USP37: variants seen among roughly 807,000 people sequenced by gnomAD.
USP37 encodes the protein ubiquitin carboxyl-terminal hydrolase 37.
Under a neutral mutation model 124.0 loss-of-function variants are expected in USP37, and 27 were observed. That is an observed-to-expected ratio of 0.22 (90% confidence interval 0.16 to 0.30). USP37 has a LOEUF of 0.30. Among genes scored for constraint, USP37 ranks in the 10% least tolerant of loss-of-function variants. USP37 has a pLI of 1.00. For synonymous variants in USP37, 365 were observed against 388.0 expected (o/e 0.94, Z 0.70); for missense variants, 889 against 1,140.4 (o/e 0.78, Z 3.17).
intron 11 of USP37, among the ~76,000 whole-genome samples, chr2:218,507,005 C>T (rs978805602): frequency 6.6e-6 from 1 of 151,722 alleles, no homozygotes; most frequent in African/African-American, 2.4e-5. Context: ...ATCATGTTGG[C>T]CAGGTTGGTT....
chr2:218,451,695 T>G lies in USP37; in HGVS notation c.*3235A>C, dbSNP rs2106400256. The G allele has an allele frequency of 6.6e-6, 1 of 152,390 alleles. No individual in the cohort carries two copies. The highest frequency in any genetic ancestry group is 1.9e-4 in the East Asian group (1 of 5,188). 9.4% of individuals were successfully genotyped at this position (152,390 alleles called of 1,614,324 possible). ...ATTTTAAAGCCTCTGTTTCAGAATT[T>G]TATACTTGATCAAGGAGAAAAATAA... On this transcript the variant is annotated 3_prime_UTR_variant, in exon 26 of 26. Coordinates refer to ENST00000258399, the MANE Select transcript of USP37 (RefSeq NM_020935.3).
At chr2:218,534,347 G>T (rs1221999527) in intron 9 of USP37, among the ~76,000 whole-genome samples, 1 of 152,146 alleles carries the variant, frequency 6.6e-6, no homozygotes, top group Non-Finnish European at 1.5e-5. Flanking sequence ...AAATTAGCCA[G>T]GCATGATAGA....
chr2:218,458,189 GA>G (rs1180071767), intron 23 of USP37, among the ~76,000 whole-genome samples: 1 of 128,836 alleles, frequency 7.8e-6, no homozygotes, highest in East Asian at 2.4e-4. Context: ...CTAAAATATA[GA>G]AAATGCATGA....
intron 11 of USP37, among the ~76,000 whole-genome samples, chr2:218,509,420 CAG>C (rs1268943237): frequency 6.6e-6 from 1 of 152,096 alleles, no homozygotes; most frequent in Non-Finnish European, 1.5e-5. Flanking sequence ...AAGCACTTAG[CAG>C]ACAGTATCTG....
intron 10 of USP37, among the ~76,000 whole-genome samples, chr2:218,524,497 GTATT>G (rs959420572): frequency 6.6e-6 from 1 of 152,100 alleles, no homozygotes; most frequent in African/African-American, 2.4e-5. Flanking sequence ...CTCCACTCCT[GTATT>G]TCTTTTGTCC....
At chr2:218,531,907 G>A (rs1691346901) in intron 9 of USP37, among the ~76,000 whole-genome samples, 1 of 152,248 alleles carries the variant, frequency 6.6e-6, no homozygotes, top group Admixed American at 6.5e-5. Flanking sequence ...AATGGATGTG[G>A]AGTTGCTTCC....
In USP37 at chr2:218,463,300, CCA is replaced by C; in HGVS notation, c.2527+4_2527+5del. On this transcript the variant is annotated splice_donor_5th_base_variant and intron_variant, in intron 22 of 25. Coordinates refer to ENST00000258399, the MANE Select transcript of USP37 (RefSeq NM_020935.3). ...TAAAAAAATGTAATTAAAAAGATCT[CCA>C]CACCTTGAAGACTTAACTCGGTAGC... 6.2e-7 allele frequency: 1 copy of C among 1,612,352 alleles called. No individual in the cohort carries two copies. The highest frequency in any genetic ancestry group is 8.5e-7 in the Non-Finnish European group (1 of 1,179,338).
In USP37 at chr2:218,546,933, C is replaced by T. The variant is rs755918212; in HGVS notation, c.588G>A (p.Gly196=). 9 of 1,609,566 alleles carry T rather than the reference C, an allele frequency of 5.6e-6. No individual in the cohort carries two copies. Among genetic ancestry groups the T allele is most frequent in the Middle Eastern group, 1.6e-4 (1 of 6,080 alleles). The change falls in exon 7 of 26, where the codon GGG becomes GGA. Residue 196 remains glycine, a synonymous_variant. Coordinates refer to ENST00000258399, the MANE Select transcript of USP37 (RefSeq NM_020935.3). ...LTSTSTPLRS[G]LLENRTEKRK... Reference sequence around the variant, plus strand: ...GTCTCTCCTACCGATTTTCTAGCAACCCTGATCTAAGAGGTGTTGAAGTAG... The same window carrying T: ...GTCTCTCCTACCGATTTTCTAGCAATCCTGATCTAAGAGGTGTTGAAGTAG...
chr2:218,524,693 T>C (rs1690857444), intron 10 of USP37, among the ~76,000 whole-genome samples: 1 of 152,206 alleles, frequency 6.6e-6, no homozygotes, highest in Admixed American at 6.5e-5. Context: ...CACTGCAACC[T>C]CTGCCTCCTG....
intron 5 of USP37, among the ~76,000 whole-genome samples, chr2:218,553,343 T>G (rs2106052068): frequency 6.6e-6 from 1 of 152,378 alleles, no homozygotes; most frequent in Admixed American, 6.5e-5. Flanking sequence ...GATGATCATG[T>G]GGTTTTCGTC....
chr2:218,496,097 C>A, intron 13 of USP37, 147 bp from the exon 14 acceptor site: 1 of 674,426 alleles, frequency 1.5e-6, no homozygotes, highest in Non-Finnish European at 2.3e-6. Flanking sequence ...AGTTCGAGAC[C>A]AGCCCGGCCA....
chr2:218,557,950 A>AAAAAAAAAAAAAAAAAAAAAAAT, intron 4 of USP37, among the ~76,000 whole-genome samples: 1 of 143,906 alleles, frequency 6.9e-6, no homozygotes, highest in Admixed American at 7.0e-5. Context: ...AAAAAAAAAA[A>AAAAAAAAAAAAAAAAAAAAAAAT]GGTGAAAAGA....
chr2:218,495,822 T>C lies in USP37; in HGVS notation c.1410A>G (p.Ala470=). Residue 470 remains alanine (A), a synonymous_variant, in exon 14 of 26, where the codon GCA becomes GCG. Coordinates refer to ENST00000258399, the MANE Select transcript of USP37 (RefSeq NM_020935.3). ...ENSPDISATR[A]YTCPVITNLE... ...AATTAGTAATAACAGGGCAAGTGTA[T>C]GCTCTGGTAGCTGAAATATCTGGTG... is the stretch of plus-strand genomic sequence containing the variant. The C allele has an allele frequency of 6.2e-7, 1 of 1,614,010 alleles. No individual in the cohort carries two copies. The highest frequency in any genetic ancestry group is 1.1e-5 in the South Asian group (1 of 91,072).
intron 22 of USP37, among the ~76,000 whole-genome samples, chr2:218,460,692 C>A (rs1044668009): frequency 1.3e-5 from 2 of 152,100 alleles, no homozygotes; most frequent in Non-Finnish European, 2.9e-5. Context: ...CCTGTAATCT[C>A]AGCACTTTGG....
intron 10 of USP37, among the ~76,000 whole-genome samples, chr2:218,521,651 C>T (rs1468663453): frequency 6.6e-6 from 1 of 152,152 alleles, no homozygotes; most frequent in Non-Finnish European, 1.5e-5. Context: ...TCATCCATGT[C>T]CCTGCAAAGG....
intron 15 of USP37, among the ~76,000 whole-genome samples, chr2:218,486,735 T>A (rs1055654327): frequency 8.5e-5 from 13 of 152,068 alleles, no homozygotes; most frequent in African/African-American, 2.9e-4. Context: ...TTATTTTTTT[T>A]ATTTTTTTGA....
chr2:218,523,835 C>T (rs1480819329), intron 10 of USP37, among the ~76,000 whole-genome samples: 1 of 152,200 alleles, frequency 6.6e-6, no homozygotes, highest in African/African-American at 2.4e-5. Context: ...AATCCCCAAA[C>T]CTCTTTATTT....
At chr2:218,556,501 C>CTTTT (rs1692981478) in intron 4 of USP37, among the ~76,000 whole-genome samples, 2 of 40,536 alleles carry the variant, frequency 4.9e-5, no homozygotes, top group African/African-American at 1.8e-4. Context: ...CTGGGTTTTT[C>CTTTT]TGTTTTTTTT....
chr2:218,500,511 T>C (rs556976375), intron 11 of USP37, among the ~76,000 whole-genome samples: 1 of 152,090 alleles, frequency 6.6e-6, no homozygotes, highest in East Asian at 1.9e-4. Context: ...CCTCCCAAAG[T>C]GTTGGGATTA....
Sources: gnomAD v4.1 joint callset for allele counts (sites outside exome capture counted in the v4.1 genomes callset) on GRCh38, gnomAD v4.1.1 for gene constraint, MANE v1.5 for transcripts, NCBI Gene and HGNC (gene_info 2026-07-23, HGNC 2026-07-21) for gene names.